The following ARHGEF18 variants were observed in gnomAD, a reference collection of about 807,000 sequenced individuals.
ARHGEF18 encodes the protein rho guanine nucleotide exchange factor 18.
A neutral mutation model predicts 155.7 loss-of-function variants in ARHGEF18; 93 were observed. The ratio of observed to expected loss-of-function variants is 0.60; its 90% confidence interval spans 0.50 to 0.71. ARHGEF18 has a LOEUF of 0.71. ARHGEF18 is among the 30% of genes least tolerant of loss of function. The pLI, the probability that ARHGEF18 is intolerant of heterozygous loss-of-function variation, is 0.00. For missense variants in ARHGEF18, 1,593 were observed against 1,816.1 expected (o/e 0.88, Z 2.23); for synonymous variants, 742 against 753.1 (o/e 0.99, Z 0.24).
At position 7,467,442 on chromosome 19, in the gene ARHGEF18, G is replaced by C; in HGVS notation, c.3238G>C (p.Glu1080Gln). 3.9e-6 allele frequency: 6 copies of C among 1,528,794 alleles called. No individual in the cohort carries two copies. The highest frequency in any genetic ancestry group is 5.2e-6 in the Non-Finnish European group (6 of 1,143,676). 94.7% of individuals were successfully genotyped at this position (1,528,794 alleles called of 1,614,324 possible). A position where few individuals can be genotyped will look rare whatever the true frequency, so the allele number is the denominator to read the frequency against. Residue 1080 changes from glutamate (E) to glutamine (Q), a missense_variant, in exon 26 of 29, where the codon GAG (glutamate) becomes CAG (glutamine). Coordinates refer to ENST00000668164, the MANE Select transcript of ARHGEF18 (RefSeq NM_001367823.1). Reference sequence around the variant, plus strand: ...GCGCGAGCGCCAGTGGCAGCACCAGGAGCTGGAGCGTGCGGGCGCGCGGCT... The same window carrying C: ...GCGCGAGCGCCAGTGGCAGCACCAGCAGCTGGAGCGTGCGGGCGCGCGGCT... ...WERERQWQHQ[E>Q]LERAGARLQE...
chr19:7,464,547 T>A lies in ARHGEF18; in HGVS notation c.2774-13T>A. ...ATGGCAGCATCCTCATGCCCCTGGC[T>A]TGGGGTTCTCAGATGGCAGTTTCAA... On this transcript the variant is annotated splice_polypyrimidine_tract_variant and intron_variant, in intron 22 of 28. Transcript: ENST00000668164. The A allele has an allele frequency of 6.2e-7, 1 of 1,606,520 alleles. No individual in the cohort carries two copies. Among genetic ancestry groups the A allele is most frequent in the South Asian group, 1.1e-5 (1 of 90,790 alleles).
At chr19:7,409,214 C>T (rs1322205314) in intron 10 of ARHGEF18, among the ~76,000 whole-genome samples, 1 of 150,724 alleles carries the variant, frequency 6.6e-6, no homozygotes, top group Non-Finnish European at 1.5e-5. Context: ...CGCCCACCAC[C>T]TCGCCCGGCT....
At chr19:7,450,909 A>G (rs1028819909) in intron 15 of ARHGEF18, among the ~76,000 whole-genome samples, 1 of 22,472 alleles carries the variant, frequency 4.4e-5, no homozygotes, top group Non-Finnish European at 9.5e-5. Context: ...TACCTTTCTG[A>G]GATGTTAATG....
In ARHGEF18 at chr19:7,463,692, G is replaced by A. The variant is rs1241475871; in HGVS notation, c.2636-126G>A. ...GGCTGAAATCCCACGGCACACAGAA[G>A]GGGGCAGGCGATCACCACCCCAGTG... On this transcript the variant is annotated intron_variant, in intron 21 of 28. Coordinates refer to ENST00000668164, the MANE Select transcript of ARHGEF18 (RefSeq NM_001367823.1). This position sits in a 1 kb window ranked among gnomAD's most constrained non-coding sequence, Gnocchi z 5.2. The A allele has an allele frequency of 2.6e-5, 31 of 1,188,854 alleles. No homozygotes were observed. The highest frequency in any genetic ancestry group is 3.4e-5 in the Non-Finnish European group (29 of 861,672). The allele number at this position is 1,188,854 out of a possible 1,614,324, so 73.6% of individuals were successfully genotyped here. A position where few individuals can be genotyped will look rare whatever the true frequency, so the allele number is the denominator to read the frequency against.
chr19:7,410,010 G>C (rs537008401), intron 10 of ARHGEF18, among the ~76,000 whole-genome samples: 1 of 139,542 alleles, frequency 7.2e-6, no homozygotes, highest in African/African-American at 2.8e-5. Context: ...GGTTGGTCTT[G>C]AACTCCTGAC....
rs1970484720 is a variant in ARHGEF18, at chr19:7,376,905, G to A, written c.541+148G>A. 7.4e-6 allele frequency: 4 copies of A among 539,246 alleles called. No homozygotes were observed. In the East Asian group the frequency reaches 1.4e-4, roughly 19 times the overall value. The allele number at this position is 539,246 out of a possible 1,614,324, so 33.4% of individuals were successfully genotyped here. ...GATGGGCCCCAGGGAAGGGAAGGGA[G>A]CTGGCTTAGGGTCCCCTGGGCAGGG... On this transcript the variant is annotated intron_variant, in intron 5 of 28. Coordinates refer to ENST00000668164, the MANE Select transcript of ARHGEF18 (RefSeq NM_001367823.1).
the ARHGEF18 span, among the ~76,000 whole-genome samples, chr19:7,479,146 G>A: frequency 6.6e-6 from 1 of 152,196 alleles, no homozygotes; most frequent in African/African-American, 2.4e-5. Flanking sequence ...CTCCTGGGGG[G>A]CTAGGGAAAA....
intron 1 of ARHGEF18, among the ~76,000 whole-genome samples, chr19:7,351,696 C>T (rs1001665687): frequency 3.1e-5 from 2 of 65,198 alleles, no homozygotes; most frequent in Non-Finnish European, 6.3e-5. Flanking sequence ...CTGCCTCTCT[C>T]TCTCTCTCTT....
At chr19:7,411,876 G>T (rs72992654) in intron 10 of ARHGEF18, among the ~76,000 whole-genome samples, 3,827 of 152,170 alleles carry the variant, frequency 0.025, 88 homozygotes, top group Non-Finnish European at 0.034. Flanking sequence ...TTTTGTGACT[G>T]GCTTATTTCA....
chr19:7,458,436 C>T (rs1332827509), intron 18 of ARHGEF18, 76 bp from the exon 19 acceptor site: 13 of 1,432,204 alleles, frequency 9.1e-6, no homozygotes, highest in African/African-American at 1.4e-5. Context: ...GTTCCCCTCA[C>T]CAGGCCCTTG....
intron 8 of ARHGEF18, 68 bp from the exon 9 acceptor site, chr19:7,382,724 G>A: frequency 8.6e-7 from 1 of 1,158,674 alleles, no homozygotes; most frequent in South Asian, 4.4e-5. Flanking sequence ...GATTCCTGAA[G>A]CAACCCACAG....
intron 12 of ARHGEF18, 48 bp from the exon 13 acceptor site, chr19:7,441,864 G>A (rs1321020910): frequency 1.2e-6 from 2 of 1,613,160 alleles, no homozygotes; most frequent in Non-Finnish European, 1.7e-6. Context: ...GGGAATTGGG[G>A]TGGCATGGCT....
At chr19:7,411,117 C>A (rs950827099) in intron 10 of ARHGEF18, among the ~76,000 whole-genome samples, 1 of 152,090 alleles carries the variant, frequency 6.6e-6, no homozygotes, top group East Asian at 1.9e-4. Flanking sequence ...GATCTCAGAA[C>A]AAGCCTGGGC....
intron 10 of ARHGEF18, chr19:7,390,439 G>A (rs999050961): frequency 2.0e-5 from 3 of 151,490 alleles, no homozygotes; most frequent in Non-Finnish European, 4.4e-5. Context: ...AACCCAAGAG[G>A]TGGAGGTTGC....
chr19:7,449,285 A>G (rs1600483024), intron 15 of ARHGEF18, among the ~76,000 whole-genome samples: 1 of 152,056 alleles, frequency 6.6e-6, no homozygotes, highest in Non-Finnish European at 1.5e-5. Context: ...ATCAGAAAGC[A>G]CCCAGGCTGG....
In ARHGEF18 at chr19:7,467,110, A is replaced by G; in HGVS notation, c.3001A>G (p.Asn1001Asp). ...RIQTLSQLLL[N>D]LQAVIAHQDS... ...CCAGACACTGTCCCAGCTGCTCCTGAACCTTCAGGTACAGGGGCGGGGTGG... is the reference window on the plus strand; with the variant it reads ...CCAGACACTGTCCCAGCTGCTCCTGGACCTTCAGGTACAGGGGCGGGGTGG... The change falls in exon 25 of 29, where the codon AAC becomes GAC. Residue 1001 changes from asparagine (N) to aspartate (D), a missense_variant. Transcript: ENST00000668164. 6.2e-7 allele frequency: 1 copy of G among 1,601,620 alleles called. No homozygotes were observed. The highest frequency in any genetic ancestry group is 8.5e-7 in the Non-Finnish European group (1 of 1,171,146).
chr19:7,361,923 C>T (rs1464252653), intron 1 of ARHGEF18, among the ~76,000 whole-genome samples: 2 of 150,682 alleles, frequency 1.3e-5, no homozygotes, highest in African/African-American at 4.9e-5. Flanking sequence ...ACTCGGGAGG[C>T]GGAGGTTGTG....
At chr19:7,412,197 G>A (rs903065362) in intron 10 of ARHGEF18, among the ~76,000 whole-genome samples, 8 of 151,360 alleles carry the variant, frequency 5.3e-5, no homozygotes, top group Non-Finnish European at 8.8e-5. Flanking sequence ...CACCACACCC[G>A]GCTAATTTTT....
chr19:7,372,469 C>G (rs1447370888), intron 2 of ARHGEF18, among the ~76,000 whole-genome samples: 1 of 121,458 alleles, frequency 8.2e-6, no homozygotes, highest in Non-Finnish European at 1.6e-5. Flanking sequence ...AGAAACTGTA[C>G]CAAAAAGAAA....
Sources: gnomAD v4.1 joint callset for allele counts (sites outside exome capture counted in the v4.1 genomes callset) on GRCh38, gnomAD v4.1.1 for gene constraint, Gnocchi (gnomAD v3.1) non-coding constraint, MANE v1.5 for transcripts, NCBI Gene and HGNC (gene_info 2026-07-23, HGNC 2026-07-21) for gene names.